The following THSD7A variants were observed in gnomAD, a reference collection of about 807,000 sequenced individuals.
The protein encoded by THSD7A is thrombospondin type-1 domain-containing protein 7A.
Under a neutral mutation model 231.3 loss-of-function variants are expected in THSD7A, and 96 were observed. The observed-to-expected ratio is 0.41, with a 90% confidence interval of 0.35 to 0.49. THSD7A has a LOEUF of 0.49. Ranked by LOEUF, THSD7A falls within the 20% of genes least tolerant of loss-of-function variation. The pLI is 0.05. For synonymous variants in THSD7A, 940 were observed against 743.3 expected (o/e 1.26, Z -4.30); for missense variants, 2,290 against 2,070.2 (o/e 1.11, Z -2.06).
intron 1 of THSD7A, among the ~76,000 whole-genome samples, chr7:11,692,350 T>C (rs1042378543): frequency 6.6e-6 from 1 of 151,580 alleles, no homozygotes; most frequent in East Asian, 2.0e-4. Flanking sequence ...TACCTCAGTC[T>C]CTACAGTTAA....
chr7:11,775,005 T>C (rs34121438), intron 1 of THSD7A, among the ~76,000 whole-genome samples: 32,677 of 151,954 alleles, frequency 0.22, 4,144 homozygotes, highest in Middle Eastern at 0.39. Flanking sequence ...CAGTGAGCCA[T>C]TGCACTCCAG....
Position 11,636,438 on chromosome 7 carries a change from G to C in THSD7A, c.714C>G (p.Phe238Leu), listed in dbSNP as rs2074599. 14,525 of 1,613,590 alleles carry C rather than the reference G, an allele frequency of 9.0e-3. 678 individuals are homozygous for C. In the East Asian group the frequency reaches 0.14, roughly 16 times the overall value. Reference sequence around the variant, plus strand: ...CGCATGGACTGGATTGGCACACCTGGAACTCCGTCAGGTTTGGACAGCCAG... The same window carrying C: ...CGCATGGACTGGATTGGCACACCTGCAACTCCGTCAGGTTTGGACAGCCAG... Reference protein sequence around the residue: ...GGSGCPNLTEFQVCQSSPCEA... With the variant: ...GGSGCPNLTELQVCQSSPCEA... The change falls in exon 2 of 28, where the codon TTC becomes TTG. Residue 238 changes from phenylalanine (F) to leucine (L), a missense_variant. Physicochemically the swap from Phe to Leu is conservative, Grantham distance 22 (BLOSUM62 0). Coordinates refer to ENST00000423059, the MANE Select transcript of THSD7A (RefSeq NM_015204.3). This position sits in a 1 kb window ranked among gnomAD's most constrained non-coding sequence, Gnocchi z 10.0.
chr7:11,777,380 T>G (rs1275210967), intron 1 of THSD7A, among the ~76,000 whole-genome samples: 1 of 150,804 alleles, frequency 6.6e-6, no homozygotes, highest in African/African-American at 2.4e-5. Flanking sequence ...GCCATAATAG[T>G]GTAAAAAAAA....
intron 1 of THSD7A, among the ~76,000 whole-genome samples, chr7:11,702,235 T>G (rs1780627149): frequency 6.6e-6 from 1 of 151,280 alleles, no homozygotes; most frequent in Admixed American, 6.6e-5. Context: ...GGGTTCTCTC[T>G]GCTCAGGGTG....
intron 1 of THSD7A, among the ~76,000 whole-genome samples, chr7:11,674,321 G>A (rs1286706697): frequency 6.6e-6 from 1 of 152,126 alleles, no homozygotes. Context: ...GGGTAAGTAA[G>A]CTGCAGTGGA....
intron 4 of THSD7A, among the ~76,000 whole-genome samples, chr7:11,582,280 T>C (rs1428030055): frequency 6.6e-6 from 1 of 151,694 alleles, no homozygotes; most frequent in African/African-American, 2.4e-5. Flanking sequence ...TATACAATAA[T>C]ATATTAATAG....
At chr7:11,675,824 G>A (rs751119829) in intron 1 of THSD7A, among the ~76,000 whole-genome samples, 23 of 152,278 alleles carry the variant, frequency 1.5e-4, no homozygotes, top group Middle Eastern at 3.4e-3. Context: ...GGTAAGGGGC[G>A]GCTGTGGGTG....
rs73043362 is a variant in THSD7A at position 11,815,234 on chromosome 7, G to T, written c.190+16523C>A. Among the ~76,000 whole-genome samples the T allele has an allele frequency of 4.2e-4, 63 of 151,780 alleles. No individual in the cohort carries two copies. In the South Asian group the frequency reaches 7.5e-3, roughly 18 times the overall value. On this transcript the variant is annotated intron_variant, in intron 1 of 27. Transcript: ENST00000423059. Reference sequence around the variant, plus strand: ...CCACTAGATGTTGCAGTCAGCCAACGGTATTGTCCTTTATGAGATTTTTTT... The same window carrying T: ...CCACTAGATGTTGCAGTCAGCCAACTGTATTGTCCTTTATGAGATTTTTTT...
At chr7:11,807,695 T>G (rs1009349002) in intron 1 of THSD7A, among the ~76,000 whole-genome samples, 8 of 152,106 alleles carry the variant, frequency 5.3e-5, no homozygotes, top group African/African-American at 1.9e-4. Flanking sequence ...GCAGTATACT[T>G]TTTATTTTTC....
rs375065827 is a variant in THSD7A, at chr7:11,406,322, T to C, written c.4215A>G (p.Glu1405=). The change falls in exon 22 of 28, where the codon GAA becomes GAG. Residue 1405 remains glutamate (E), a synonymous_variant. Coordinates refer to ENST00000423059, the MANE Select transcript of THSD7A (RefSeq NM_015204.3). This position sits in a 1 kb window ranked among gnomAD's most constrained non-coding sequence, Gnocchi z 4.7. ...IDGNKNMVLE[E]SCSQPCPGDC... ...TACCTGGGCAAGGCTGGCTGCAGGATTCCTCCAGAACCATATTTTTATTAC... is the reference window on the plus strand; with the variant it reads ...TACCTGGGCAAGGCTGGCTGCAGGACTCCTCCAGAACCATATTTTTATTAC... 3 of 1,610,140 alleles carry C rather than the reference T, an allele frequency of 1.9e-6. No homozygotes were observed. The highest frequency in any genetic ancestry group is 2.5e-6 in the Non-Finnish European group (3 of 1,178,564).
In THSD7A at chr7:11,629,225, G is replaced by A. The variant is rs909534398; in HGVS notation, c.1022+6905C>T. 3.9e-5 allele frequency among the ~76,000 whole-genome samples: 6 copies of A among 152,270 alleles called. No homozygotes were observed. In the South Asian group the frequency reaches 8.3e-4, roughly 21 times the overall value. Reference sequence around the variant, plus strand: ...CTCAGAGGTCAGCATCCAGACACACGAGCAGGATGGGGAAGAGGTGATAGT... The same window carrying A: ...CTCAGAGGTCAGCATCCAGACACACAAGCAGGATGGGGAAGAGGTGATAGT... On this transcript the variant is annotated intron_variant, in intron 2 of 27. Coordinates refer to ENST00000423059, the MANE Select transcript of THSD7A (RefSeq NM_015204.3).
At chr7:11,544,363 G>C (rs372722743) in intron 4 of THSD7A, among the ~76,000 whole-genome samples, 13 of 151,968 alleles carry the variant, frequency 8.6e-5, no homozygotes, top group African/African-American at 3.1e-4. Flanking sequence ...TCATTTTCTT[G>C]GTCACACATT....
chr7:11,514,304 A>G (rs1787937514), intron 6 of THSD7A, among the ~76,000 whole-genome samples: 1 of 152,242 alleles, frequency 6.6e-6, no homozygotes, highest in Non-Finnish European at 1.5e-5. Context: ...ATGAAGACAG[A>G]TACATTATTT....
intron 6 of THSD7A, among the ~76,000 whole-genome samples, chr7:11,510,290 C>T (rs915154351): frequency 6.6e-6 from 1 of 152,128 alleles, no homozygotes; most frequent in Non-Finnish European, 1.5e-5. Context: ...TAATAGCCTA[C>T]CAACCAAAAA....
intron 1 of THSD7A, among the ~76,000 whole-genome samples, chr7:11,774,804 C>T (rs1053793218): frequency 5.3e-5 from 8 of 152,172 alleles, no homozygotes; most frequent in Non-Finnish European, 1.2e-4. Context: ...CCTGTAATCC[C>T]GGCACTTTGG....
At chr7:11,723,027 C>A (rs1263138623) in intron 1 of THSD7A, among the ~76,000 whole-genome samples, 1 of 151,884 alleles carries the variant, frequency 6.6e-6, no homozygotes, top group Non-Finnish European at 1.5e-5. Context: ...CACATGCACA[C>A]GTATGTTTAT....
rs1337034990 is a variant in THSD7A at position 11,373,400 on chromosome 7, T to TATC, written c.*2391_*2393dup. 3.3e-5 allele frequency: 5 copies of TATC among 152,026 alleles called. No homozygotes were observed. Among genetic ancestry groups the TATC allele is most frequent in the African/African-American group, 1.2e-4 (5 of 41,432 alleles). The allele number at this position is 152,026 out of a possible 1,614,324, so 9.4% of individuals were successfully genotyped here. On this transcript the variant is annotated 3_prime_UTR_variant, in exon 28 of 28. Coordinates refer to ENST00000423059, the MANE Select transcript of THSD7A (RefSeq NM_015204.3). The stretch of plus-strand genomic sequence containing the variant: ...TATTCAAAGAGATCAACTTTAGGAT[T>TATC]ATCTGGAAGACCCCTGATTATATAT...
intron 7 of THSD7A, among the ~76,000 whole-genome samples, chr7:11,480,370 A>G (rs777548846): frequency 7.2e-5 from 11 of 152,274 alleles, no homozygotes; most frequent in African/African-American, 1.4e-4. Context: ...ATTAGTAGTC[A>G]CACAGCAAGT....
Position 11,636,001 on chromosome 7 carries a change from A to G in THSD7A, c.1022+129T>C, listed in dbSNP as rs900013102. The stretch of plus-strand genomic sequence containing the variant: ...ACTCACACAAGCTCAGAAGCCTTAA[A>G]TTTGGGGGTAGCTCATCCTAGGTTG... On this transcript the variant is annotated intron_variant, in intron 2 of 27. Coordinates refer to ENST00000423059, the MANE Select transcript of THSD7A (RefSeq NM_015204.3). This position sits in a 1 kb window ranked among gnomAD's most constrained non-coding sequence, Gnocchi z 10.0. 4 of 798,914 alleles carry G rather than the reference A, an allele frequency of 5.0e-6. No homozygotes were observed. In the South Asian group the frequency reaches 7.2e-5, roughly 14 times the overall value. 49.5% of individuals were successfully genotyped at this position (798,914 alleles called of 1,614,324 possible).
Sources: gnomAD v4.1 joint callset for allele counts (sites outside exome capture counted in the v4.1 genomes callset) on GRCh38, gnomAD v4.1.1 for gene constraint, Gnocchi (gnomAD v3.1) non-coding constraint, MANE v1.5 for transcripts, NCBI Gene and HGNC (gene_info 2026-07-23, HGNC 2026-07-21) for gene names.